The following BICD1 variants were observed in gnomAD, a reference collection of about 807,000 sequenced individuals.
The protein encoded by BICD1 is protein bicaudal D homolog 1.
In BICD1, 35 loss-of-function variants were observed where a neutral mutation model predicts 92.5. That is an observed-to-expected ratio of 0.38 (90% CI 0.29 to 0.50). The LOEUF (loss-of-function observed/expected upper bound fraction) is 0.50, where lower values mean the gene tolerates loss of function less well. Ranked by LOEUF, BICD1 falls within the 20% of genes least tolerant of loss-of-function variation. The pLI is 0.93. For synonymous variants in BICD1, 429 were observed against 465.1 expected (o/e 0.92, Z 1.00); for missense variants, 950 against 1,189.8 (o/e 0.80, Z 2.97).
chr12:32,141,629 A>T (rs1303514926), intron 1 of BICD1, among the ~76,000 whole-genome samples: 1 of 152,040 alleles, frequency 6.6e-6, no homozygotes, highest in Non-Finnish European at 1.5e-5. Context: ...GCCCGCCACT[A>T]CGCCCAGCTA....
chr12:32,288,534 A>G (rs951293033), intron 2 of BICD1, among the ~76,000 whole-genome samples: 2 of 151,930 alleles, frequency 1.3e-5, no homozygotes, highest in African/African-American at 2.4e-5. Flanking sequence ...ACAGGCATGA[A>G]CCACTGTGCC....
At chr12:32,369,624 G>A (rs573914883) in intron 9 of BICD1, among the ~76,000 whole-genome samples, 1 of 152,378 alleles carries the variant, frequency 6.6e-6, no homozygotes, top group Non-Finnish European at 1.5e-5. Context: ...AGGTGTGGTG[G>A]CTTACGCCTG....
chr12:32,179,120 T>C (rs1944201287), intron 1 of BICD1, among the ~76,000 whole-genome samples: 2 of 151,944 alleles, frequency 1.3e-5, no homozygotes, highest in East Asian at 1.9e-4. Flanking sequence ...ACCATTGATA[T>C]GTAAATCAAT....
intron 8 of BICD1, among the ~76,000 whole-genome samples, chr12:32,355,645 T>C (rs529283223): frequency 6.6e-6 from 1 of 151,918 alleles, no homozygotes; most frequent in East Asian, 1.9e-4. Flanking sequence ...CTACTAAAAA[T>C]ACAAAAATTA....
chr12:32,378,770 AGAT>A lies in BICD1; in HGVS notation c.*1144_*1146del, dbSNP rs1272864170. The A allele has an allele frequency of 8.5e-5, 13 of 152,226 alleles. No homozygotes were observed. Among genetic ancestry groups the A allele is most frequent in the African/African-American group, 2.7e-4 (11 of 41,460 alleles). The allele number at this position is 152,226 out of a possible 1,614,324, so 9.4% of individuals were successfully genotyped here. On this transcript the variant is annotated 3_prime_UTR_variant, in exon 10 of 10. Coordinates refer to ENST00000652176, the MANE Select transcript of BICD1 (RefSeq NM_001714.4). ...GAATCTTCCTTGCCAAAAAAACAAT[AGAT>A]AATAAACCTTAGCTCATTGTCTACT...
chr12:32,204,897 G>A (rs960316522), intron 1 of BICD1, among the ~76,000 whole-genome samples: 3 of 152,114 alleles, frequency 2.0e-5, no homozygotes, highest in African/African-American at 2.4e-5. Context: ...GTTACCCCAC[G>A]CATCATCCCT....
In BICD1 at chr12:32,310,395, C is replaced by T. The variant is rs959589788; in HGVS notation, c.1005+4273C>T. Among the ~76,000 whole-genome samples the T allele has an allele frequency of 7.9e-5, 12 of 152,178 alleles. No individual in the cohort carries two copies. In the South Asian group the frequency reaches 1.0e-3, roughly 13 times the overall value. ...CGGTCAAATCCTACCTGCCTTTGAA[C>T]GTAACTGGGGGTTTTTGTGAGTAAG... On this transcript the variant is annotated intron_variant, in intron 4 of 9. Transcript: ENST00000652176.
Position 32,290,165 on chromosome 12 carries a change from GAGGTTACATATAGT to G in BICD1, c.427-3823_427-3810del, listed in dbSNP as rs950948463. ...GAGCTCCAACCCCTTATATATAAAT[GAGGTTACATATAGT>G]AGGTTGAAAGCAGGTTTCCAAAACA... On this transcript the variant is annotated intron_variant, in intron 2 of 9. Transcript: ENST00000652176. Among the ~76,000 whole-genome samples the G allele has an allele frequency of 8.4e-5, 10 of 118,718 alleles. No individual in the cohort carries two copies. In the South Asian group the frequency reaches 2.1e-3, roughly 25 times the overall value. The allele number at this position is 118,718 out of a possible 152,430, so 77.9% of individuals were successfully genotyped here.
chr12:32,296,957 G>A (rs1006732602), intron 3 of BICD1, among the ~76,000 whole-genome samples: 2 of 152,096 alleles, frequency 1.3e-5, no homozygotes, highest in Admixed American at 6.5e-5. Flanking sequence ...TAAAAAGGAG[G>A]GGGGACTTAC....
At chr12:32,260,169 C>T (rs933775274) in intron 2 of BICD1, among the ~76,000 whole-genome samples, 5 of 152,218 alleles carry the variant, frequency 3.3e-5, no homozygotes, top group Non-Finnish European at 5.9e-5. Context: ...AGATGATCCA[C>T]CCGCCTCCGC....
chr12:32,306,777 G>C (rs1234722001), intron 4 of BICD1, among the ~76,000 whole-genome samples: 12 of 151,918 alleles, frequency 7.9e-5, no homozygotes, highest in Middle Eastern at 3.4e-3. Context: ...CACTTTGAGA[G>C]GCTGAAGCGG....
intron 1 of BICD1, among the ~76,000 whole-genome samples, chr12:32,152,231 A>G (rs1205026496): frequency 6.7e-6 from 1 of 150,056 alleles, no homozygotes; most frequent in African/African-American, 2.5e-5. Flanking sequence ...TGCTGGGATT[A>G]CAGGCAGAGA....
At chr12:32,159,006 G>A (rs893311524) in intron 1 of BICD1, among the ~76,000 whole-genome samples, 2 of 151,854 alleles carry the variant, frequency 1.3e-5, no homozygotes, top group African/African-American at 2.4e-5. Flanking sequence ...CAATCTCAGC[G>A]CACTGCAACC....
At chr12:32,366,670 TATAAG>T (rs1321259464) in intron 8 of BICD1, among the ~76,000 whole-genome samples, 3 of 151,428 alleles carry the variant, frequency 2.0e-5, no homozygotes, top group Admixed American at 6.6e-5. Context: ...AACAAACACA[TATAAG>T]GAAAGGGATT....
intron 1 of BICD1, among the ~76,000 whole-genome samples, chr12:32,195,385 C>T (rs1474798179): frequency 6.6e-6 from 1 of 152,146 alleles, no homozygotes; most frequent in East Asian, 1.9e-4. Flanking sequence ...AACTACATTA[C>T]AAAGCTCTAG....
At chr12:32,367,274 G>C (rs1056504496) in intron 8 of BICD1, among the ~76,000 whole-genome samples, 1 of 152,114 alleles carries the variant, frequency 6.6e-6, no homozygotes, top group African/African-American at 2.4e-5. Context: ...ATCTGAATGC[G>C]TTCCATTTTG....
intron 2 of BICD1, among the ~76,000 whole-genome samples, chr12:32,234,560 C>T (rs1038436832): frequency 6.9e-5 from 10 of 144,008 alleles, no homozygotes; most frequent in Non-Finnish European, 1.0e-4. Flanking sequence ...CGCACCACTG[C>T]GCTTTAGCCT....
chr12:32,187,688 A>T (rs1203683623), intron 1 of BICD1, among the ~76,000 whole-genome samples: 2 of 152,130 alleles, frequency 1.3e-5, no homozygotes, highest in Non-Finnish European at 2.9e-5. Flanking sequence ...AAGGAAAAAG[A>T]AAAAAGAAAA....
intron 2 of BICD1, among the ~76,000 whole-genome samples, chr12:32,230,270 C>T (rs1353728340): frequency 1.3e-5 from 2 of 151,962 alleles, no homozygotes; most frequent in African/African-American, 2.4e-5. Context: ...TGCAGTGGCT[C>T]CTGCCTGTAA....
Sources: allele counts gnomAD v4.1 joint callset (sites outside exome capture counted in the v4.1 genomes callset), GRCh38; gene constraint gnomAD v4.1.1; transcripts MANE v1.5; gene names NCBI Gene and HGNC (gene_info 2026-07-23, HGNC 2026-07-21).